ZKSCAN1: variants seen among roughly 807,000 people sequenced by gnomAD.
ZKSCAN1 encodes the protein zinc finger with KRAB and SCAN domains 1.
Under a neutral mutation model 51.6 loss-of-function variants are expected in ZKSCAN1, and 14 were observed. The ratio of observed to expected loss-of-function variants is 0.27; its 90% CI spans 0.18 to 0.42. The LOEUF is 0.42. ZKSCAN1 is among the 10% of genes least tolerant of loss of function. The pLI, the probability that ZKSCAN1 is intolerant of heterozygous loss-of-function variation, is 1.00. For synonymous variants in ZKSCAN1, 263 were observed against 261.5 expected, an observed-to-expected ratio of 1.01 and a Z score of -0.06; for missense variants, 531 against 710.0, an observed-to-expected ratio of 0.75 and a Z score of 2.86.
rs1256969437 is a variant in ZKSCAN1, at chr7:100,040,610, A to G, written c.*6413A>G. 1 of 985,400 alleles carries G rather than the reference A, an allele frequency of 1.0e-6. No homozygotes were observed. The highest frequency in any genetic ancestry group is 1.1e-4 in the East Asian group (1 of 8,810). 61.0% of individuals were successfully genotyped at this position (985,400 alleles called of 1,614,324 possible). A position where few individuals can be genotyped will look rare whatever the true frequency, so the allele number is the denominator to read the frequency against. ...GCAGCCACAGTTGCCCTAAATCTCC[A>G]TCATTAAGTCTTCCAGCAAGGTTAA... On this transcript the variant is annotated 3_prime_UTR_variant, in exon 6 of 6. Coordinates refer to ENST00000324306, the MANE Select transcript of ZKSCAN1 (RefSeq NM_003439.4).
rs1256855883 is a variant in ZKSCAN1 at position 100,033,899 on chromosome 7, A to G, written c.1394A>G (p.Glu465Gly). ...GGAGAGAAACCTTATGAATGTAATG[A>G]GTGCGGGAAGGCCTTCAGCCAGAGC... ...HSGEKPYECN[E>G]CGKAFSQSSD... The change falls in exon 6 of 6, where the codon GAG (glutamate) becomes GGG (glycine). Residue 465 changes from glutamate to glycine, a missense_variant. By Grantham distance (98) the Glu-to-Gly change is moderately conservative. Coordinates refer to ENST00000324306, the MANE Select transcript of ZKSCAN1 (RefSeq NM_003439.4). This position sits in a 1 kb window ranked among gnomAD's most constrained non-coding sequence, Gnocchi z 4.1. 6.2e-7 allele frequency: 1 copy of G among 1,614,058 alleles called. No homozygotes were observed. The highest frequency in any genetic ancestry group is 2.2e-5 in the East Asian group (1 of 44,900).
intron 3 of ZKSCAN1, among the ~76,000 whole-genome samples, chr7:100,028,804 A>AC (rs1790961795): frequency 6.6e-6 from 1 of 151,806 alleles, no homozygotes; most frequent in Non-Finnish European, 1.5e-5. Flanking sequence ...CAAAAAAAAA[A>AC]AAAAAAAACA....
rs1198844777 is a variant in ZKSCAN1, at chr7:100,037,011, AC to A, written c.*2815del. ...ACTAGGGTTGCTTCGATCTTCAGCCACATGCTGTCCTTGAAGCAGCTATTTG... is the reference window on the plus strand; with the variant it reads ...ACTAGGGTTGCTTCGATCTTCAGCCAATGCTGTCCTTGAAGCAGCTATTTG... On this transcript the variant is annotated 3_prime_UTR_variant, in exon 6 of 6. Transcript: ENST00000324306. 15 of 985,334 alleles carry A rather than the reference AC, an allele frequency of 1.5e-5. No individual in the cohort carries two copies. The highest frequency in any genetic ancestry group is 1.7e-5 in the African/African-American group (1 of 57,240). The allele number at this position is 985,334 out of a possible 1,614,324, so 61.0% of individuals were successfully genotyped here.
At chr7:100,032,934 G>C (rs1791174749) in intron 5 of ZKSCAN1, among the ~76,000 whole-genome samples, 1 of 151,920 alleles carries the variant, frequency 6.6e-6, no homozygotes, top group South Asian at 2.1e-4. Flanking sequence ...CGTCAACCTG[G>C]GAGGCGGAGC....
At chr7:100,017,157 A>G (rs111667828) in intron 1 of ZKSCAN1, among the ~76,000 whole-genome samples, 1 of 152,234 alleles carries the variant, frequency 6.6e-6, no homozygotes, top group African/African-American at 2.4e-5. Flanking sequence ...TAGCTTTTTC[A>G]TATTAAAACA....
chr7:100,040,349 C>G lies in ZKSCAN1; in HGVS notation c.*6152C>G, dbSNP rs1252077000. 1.0e-6 allele frequency: 1 copy of G among 985,400 alleles called. No individual in the cohort carries two copies. Among genetic ancestry groups the G allele is most frequent in the African/African-American group, 1.7e-5 (1 of 57,336 alleles). 61.0% of individuals were successfully genotyped at this position (985,400 alleles called of 1,614,324 possible). On this transcript the variant is annotated 3_prime_UTR_variant, in exon 6 of 6. Coordinates refer to ENST00000324306, the MANE Select transcript of ZKSCAN1 (RefSeq NM_003439.4). ...TCTGACAATTTGAATCTGAGATTCT[C>G]ACCTCCATTTACTAAAGAATCGTGA...
rs1045666124 is a variant in ZKSCAN1 at position 100,033,602 on chromosome 7, C to A, written c.1097C>A (p.Thr366Asn). ...TTCAGTCTGAGCTCCAACTTCACCACCCCTGAAGAAGTTCCCACGGGAACA... is the reference window on the plus strand; with the variant it reads ...TTCAGTCTGAGCTCCAACTTCACCAACCCTGAAGAAGTTCCCACGGGAACA... ...RSFSLSSNFT[T>N]PEEVPTGTKS... is the part of the protein sequence containing the mutation. Residue 366 changes from threonine (T) to asparagine (N), a missense_variant, in exon 6 of 6, where the codon ACC becomes AAC. Around this residue, in one of 2 missense-constraint regions of ZKSCAN1, gnomAD observed 403 missense variants for 490.5 expected, o/e 0.82. Coordinates refer to ENST00000324306, the MANE Select transcript of ZKSCAN1 (RefSeq NM_003439.4). The surrounding 1 kb of genome is among the most constrained non-coding windows in gnomAD (Gnocchi z 4.1). 36 of 1,614,060 alleles carry A rather than the reference C, an allele frequency of 2.2e-5. No homozygotes were observed. Among genetic ancestry groups the A allele is most frequent in the Non-Finnish European group, 2.5e-5 (30 of 1,180,036 alleles).
At chr7:100,030,011 C>G (rs994246071) in intron 4 of ZKSCAN1, 59 bp downstream of exon 4, 6 of 1,583,224 alleles carry the variant, frequency 3.8e-6, no homozygotes, top group Non-Finnish European at 5.2e-6. Flanking sequence ...TTCCTGAGCT[C>G]TCTTCATTAT....
chr7:100,034,528 A>G lies in ZKSCAN1; in HGVS notation c.*331A>G, dbSNP rs187378132. 4.8e-6 allele frequency: 5 copies of G among 1,034,104 alleles called. No homozygotes were observed. The Admixed American group carries it at 2.1e-4, about 43-fold the overall frequency. The allele number at this position is 1,034,104 out of a possible 1,614,324, so 64.1% of individuals were successfully genotyped here. A position where few individuals can be genotyped will look rare whatever the true frequency, so the allele number is the denominator to read the frequency against. On this transcript the variant is annotated 3_prime_UTR_variant, in exon 6 of 6. Transcript: ENST00000324306. ...CACTCTTGGACTCTCGGCAACCACAACATAATAGTTGAAAGATCAAGATTG... is the reference window on the plus strand; with the variant it reads ...CACTCTTGGACTCTCGGCAACCACAGCATAATAGTTGAAAGATCAAGATTG...
In ZKSCAN1 at chr7:100,036,925, G is replaced by A. The variant is rs886330310; in HGVS notation, c.*2728G>A. ...TTTAAATGAAGGTTAAATGTGACCT[G>A]TGCCCTCACATTTAATTCCGTTTCA... On this transcript the variant is annotated 3_prime_UTR_variant, in exon 6 of 6. Transcript: ENST00000324306. 1 of 984,686 alleles carries A rather than the reference G, an allele frequency of 1.0e-6. No homozygotes were observed. Among genetic ancestry groups the A allele is most frequent in the Non-Finnish European group, 1.2e-6 (1 of 829,818 alleles). 61.0% of individuals were successfully genotyped at this position (984,686 alleles called of 1,614,324 possible). A position where few individuals can be genotyped will look rare whatever the true frequency, so the allele number is the denominator to read the frequency against.
chr7:100,028,096 T>C (rs1478283727), intron 3 of ZKSCAN1, among the ~76,000 whole-genome samples: 1 of 152,200 alleles, frequency 6.6e-6, no homozygotes, highest in East Asian at 1.9e-4. Flanking sequence ...GACTCACGCC[T>C]GTAATCCCAG....
rs1235320402 is a variant in ZKSCAN1 at position 100,034,221 on chromosome 7, TTTCCC to T, written c.*25_*29del. On this transcript the variant is annotated 3_prime_UTR_variant, in exon 6 of 6. Transcript: ENST00000324306. Reference sequence around the variant, plus strand: ...AAAGGAAGAATTTGCCATCAAGCCATTTCCCCCTTTTGTTTCTAAAATTATTTCAG... The same window carrying T: ...AAAGGAAGAATTTGCCATCAAGCCATCCTTTTGTTTCTAAAATTATTTCAG... 6.7e-7 allele frequency: 1 copy of T among 1,498,540 alleles called. No homozygotes were observed. Among genetic ancestry groups the T allele is most frequent in the Non-Finnish European group, 8.8e-7 (1 of 1,131,558 alleles). 92.8% of individuals were successfully genotyped at this position (1,498,540 alleles called of 1,614,324 possible).
chr7:100,028,904 CTT>C (rs1452998957), intron 3 of ZKSCAN1, among the ~76,000 whole-genome samples: 1 of 151,912 alleles, frequency 6.6e-6, no homozygotes. Context: ...GTGGCTAACA[CTT>C]GTAATCCCAG....
intron 1 of ZKSCAN1, among the ~76,000 whole-genome samples, chr7:100,022,838 G>C (rs1190374674): frequency 1.3e-5 from 2 of 152,158 alleles, no homozygotes; most frequent in African/African-American, 4.8e-5. Flanking sequence ...TCAGCTCTCT[G>C]GGCTGGGCAC....
chr7:100,038,042 G>A lies in ZKSCAN1; in HGVS notation c.*3845G>A, dbSNP rs1211121948. The A allele has an allele frequency of 3.0e-6, 3 of 984,980 alleles. No homozygotes were observed. The highest frequency in any genetic ancestry group is 9.4e-5 in the South Asian group (2 of 21,274). The allele number at this position is 984,980 out of a possible 1,614,324, so 61.0% of individuals were successfully genotyped here. On this transcript the variant is annotated 3_prime_UTR_variant, in exon 6 of 6. Coordinates refer to ENST00000324306, the MANE Select transcript of ZKSCAN1 (RefSeq NM_003439.4). Reference sequence around the variant, plus strand: ...GTATCAAAAAAAAAAGTTGCGGGGGGGTGCTCAATCTTAACTGCAGAGGAT... The same window carrying A: ...GTATCAAAAAAAAAAGTTGCGGGGGAGTGCTCAATCTTAACTGCAGAGGAT...
At position 100,029,851 on chromosome 7, in the gene ZKSCAN1, C is replaced by T. The variant is rs767586291; in HGVS notation, c.581-10C>T. 1 of 1,613,614 alleles carries T rather than the reference C, an allele frequency of 6.2e-7. No homozygotes were observed. Among genetic ancestry groups the T allele is most frequent in the Admixed American group, 1.7e-5 (1 of 59,984 alleles). On this transcript the variant is annotated splice_polypyrimidine_tract_variant and intron_variant, in intron 3 of 5. Transcript: ENST00000324306. ...GCTGATTTACTCACAGACCCTTTCT[C>T]CTCCCCCAGCTCTTCCTGCTGCCCA...
In ZKSCAN1 at chr7:100,023,752, T is replaced by C; in HGVS notation, c.246T>C (p.His82=). Residue 82 remains histidine (H), a synonymous_variant, in exon 2 of 6, where the codon CAT becomes CAC. Coordinates refer to ENST00000324306, the MANE Select transcript of ZKSCAN1 (RefSeq NM_003439.4). ...EALSRLKELC[H]QWLRPEINTK... ...TCAGTCGGCTGAAGGAACTTTGTCA[T>C]CAGTGGCTGCGGCCAGAAATAAACA... The C allele has an allele frequency of 6.2e-7, 1 of 1,614,194 alleles. No individual in the cohort carries two copies. Among genetic ancestry groups the C allele is most frequent in the Non-Finnish European group, 8.5e-7 (1 of 1,180,044 alleles).
intron 3 of ZKSCAN1, among the ~76,000 whole-genome samples, chr7:100,029,320 C>T (rs577985402): frequency 1.8e-4 from 27 of 152,096 alleles, no homozygotes; most frequent in African/African-American, 5.5e-4. Context: ...GGCTGGAGTG[C>T]GTGATCATAG....
intron 3 of ZKSCAN1, among the ~76,000 whole-genome samples, chr7:100,028,997 T>A (rs1790974705): frequency 1.3e-5 from 2 of 151,802 alleles, no homozygotes; most frequent in Admixed American, 1.3e-4. Context: ...AAACCCCGCC[T>A]CTACTAAAAA....
Sources: allele counts gnomAD v4.1 joint callset (sites outside exome capture counted in the v4.1 genomes callset), GRCh38; gene constraint gnomAD v4.1.1; regional missense constraint gnomAD v4.1.1; non-coding constraint Gnocchi (gnomAD v3.1); transcripts MANE v1.5; gene names NCBI Gene and HGNC (gene_info 2026-07-23, HGNC 2026-07-21).